Variants in DDX10 observed in about 807,000 individuals in gnomAD.
The protein encoded by DDX10 is probable ATP-dependent RNA helicase DDX10.
DDX10 carries 74 observed loss-of-function variants against 104.3 expected under a neutral mutation model. The observed-to-expected ratio is 0.71, with a 90% CI of 0.59 to 0.86. The LOEUF (loss-of-function observed/expected upper bound fraction) is 0.86, where lower values mean the gene tolerates loss of function less well. Ranked by LOEUF, DDX10 falls within the 40% of genes least tolerant of loss-of-function variation. The pLI is 0.00. For missense variants in DDX10, 952 were observed against 1,040.0 expected (o/e 0.92, Z 1.16); for synonymous variants, 351 against 353.4 (o/e 0.99, Z 0.08).
intron 13 of DDX10, among the ~76,000 whole-genome samples, chr11:108,733,622 G>A (rs1041128061): frequency 1.3e-5 from 2 of 152,074 alleles, no homozygotes; most frequent in South Asian, 2.1e-4. Context: ...AGGCCCCTCT[G>A]ACTTGCCTCG....
chr11:108,757,439 T>A (rs2094345822), intron 13 of DDX10, among the ~76,000 whole-genome samples: 1 of 152,080 alleles, frequency 6.6e-6, no homozygotes, highest in Admixed American at 6.6e-5. Flanking sequence ...TGTGCACATG[T>A]CACACTTCTA....
At chr11:108,699,088 T>C (rs925808356) in intron 9 of DDX10, among the ~76,000 whole-genome samples, 1 of 152,178 alleles carries the variant, frequency 6.6e-6, no homozygotes, top group African/African-American at 2.4e-5. Flanking sequence ...TTCACCTTGA[T>C]TGTAAGTTCC....
chr11:108,882,304 A>G (rs1863237760), intron 16 of DDX10, among the ~76,000 whole-genome samples: 1 of 152,170 alleles, frequency 6.6e-6, no homozygotes. Flanking sequence ...AAGCATTCAC[A>G]TTTTCTGTGC....
chr11:108,883,463 C>A (rs1863253919), intron 16 of DDX10, among the ~76,000 whole-genome samples: 1 of 152,014 alleles, frequency 6.6e-6, no homozygotes, highest in South Asian at 2.1e-4. Flanking sequence ...GGATTTTGTT[C>A]CAGGATTATA....
chr11:108,673,168 G>T (rs2094219226), intron 1 of DDX10, among the ~76,000 whole-genome samples: 1 of 152,164 alleles, frequency 6.6e-6, no homozygotes, highest in Non-Finnish European at 1.5e-5. Flanking sequence ...AATTGATGTG[G>T]TTGGTGATGC....
Position 108,693,500 on chromosome 11 carries a change from C to G in DDX10, c.1139-16C>G. Reference sequence around the variant, plus strand: ...TCTTGCAACCAGTTTCTTAACTTCACATCCCTTCTCTGTAGATTTCCCGGC... The same window carrying G: ...TCTTGCAACCAGTTTCTTAACTTCAGATCCCTTCTCTGTAGATTTCCCGGC... On this transcript the variant is annotated splice_polypyrimidine_tract_variant and intron_variant, in intron 8 of 17. Transcript: ENST00000322536. The G allele has an allele frequency of 6.2e-7, 1 of 1,605,730 alleles. No individual in the cohort carries two copies. Among genetic ancestry groups the G allele is most frequent in the Non-Finnish European group, 8.5e-7 (1 of 1,172,312 alleles).
intron 13 of DDX10, among the ~76,000 whole-genome samples, chr11:108,754,749 AC>A (rs2094342551): frequency 6.6e-6 from 1 of 152,006 alleles, no homozygotes; most frequent in African/African-American, 2.4e-5. Context: ...CTTGTTCATA[AC>A]TTTAGTTAGC....
intron 9 of DDX10, among the ~76,000 whole-genome samples, chr11:108,701,675 C>CTTTTTTTTTTTTTTTTTTTTTTTTTT (rs55916940): frequency 2.6e-5 from 2 of 77,422 alleles, no homozygotes; most frequent in African/African-American, 5.1e-5. Flanking sequence ...TTCTTCTTCT[C>CTTTTTTTTTTTTTTTTTTTTTTTTTT]TTTTTTTTTT....
At chr11:108,741,181 G>A (rs2094324777) in intron 13 of DDX10, among the ~76,000 whole-genome samples, 1 of 151,562 alleles carries the variant, frequency 6.6e-6, no homozygotes, top group South Asian at 2.1e-4. Flanking sequence ...TTTGGTACTA[G>A]TACCATGCTG....
intron 13 of DDX10, among the ~76,000 whole-genome samples, chr11:108,812,567 T>C (rs1341266747): frequency 6.6e-6 from 1 of 152,244 alleles, no homozygotes; most frequent in Non-Finnish European, 1.5e-5. Context: ...ACTTCTTAGA[T>C]ATTATTACTC....
intron 10 of DDX10, among the ~76,000 whole-genome samples, chr11:108,714,020 T>C (rs1241314335): frequency 6.6e-6 from 1 of 152,204 alleles, no homozygotes; most frequent in Non-Finnish European, 1.5e-5. Context: ...TTGACTTTCA[T>C]TAACAAGGCC....
intron 13 of DDX10, among the ~76,000 whole-genome samples, chr11:108,792,544 C>A (rs1443159822): frequency 1.3e-5 from 2 of 152,094 alleles, no homozygotes; most frequent in Non-Finnish European, 2.9e-5. Flanking sequence ...TATCTTGGTA[C>A]CTTTAGAAAT....
At chr11:108,774,383 T>C (rs546159777) in intron 13 of DDX10, among the ~76,000 whole-genome samples, 1 of 152,380 alleles carries the variant, frequency 6.6e-6, no homozygotes, top group African/African-American at 2.4e-5. Flanking sequence ...TAACATCTGT[T>C]TGCTGTTATC....
At chr11:108,692,115 C>T in intron 8 of DDX10, 77 bp downstream of exon 8, 1 of 1,325,214 alleles carries the variant, frequency 7.5e-7, no homozygotes, top group South Asian at 1.6e-5. Flanking sequence ...TTTGGGAAAT[C>T]TGATAGACTC....
intron 15 of DDX10, among the ~76,000 whole-genome samples, chr11:108,850,723 C>T (rs114069909): frequency 1.8e-4 from 28 of 152,178 alleles, no homozygotes; most frequent in East Asian, 5.8e-4. Flanking sequence ...ATACTATGTA[C>T]GAACCTACAA....
chr11:108,820,416 C>G (rs1255873818), intron 13 of DDX10, among the ~76,000 whole-genome samples: 3 of 152,176 alleles, frequency 2.0e-5, no homozygotes, highest in African/African-American at 7.2e-5. Flanking sequence ...CCCTCTTATT[C>G]CACATAGGAG....
chr11:108,749,343 T>G (rs536885250), intron 13 of DDX10, among the ~76,000 whole-genome samples: 51 of 152,294 alleles, frequency 3.3e-4, no homozygotes, highest in African/African-American at 1.1e-3. Context: ...TATACTGTTA[T>G]TGATGGAAAT....
Position 108,723,115 on chromosome 11 carries a change from C to T in DDX10, c.1618C>T (p.Leu540Phe), listed in dbSNP as rs200601477. 7 of 1,613,846 alleles carry T rather than the reference C, an allele frequency of 4.3e-6. No individual in the cohort carries two copies. The African/African-American group carries it at 9.3e-5, about 22-fold the overall frequency. ...DKVIEPRAPS[L>F]TNDEVEEFRA... ...AGTAATTGAGCCAAGGGCTCCCTCC[C>T]TCACCAATGACGAAGTGGAAGAATT... is the stretch of plus-strand genomic sequence containing the variant. The change falls in exon 13 of 18, where the codon CTC becomes TTC. Residue 540 changes from leucine (L) to phenylalanine (F), a missense_variant. Leu to Phe is a conservative substitution (Grantham distance 22). Around this residue, in one of 3 missense-constraint regions of DDX10, gnomAD observed 533 missense variants for 534.1 expected, o/e 1.00. Transcript: ENST00000322536.
chr11:108,698,697 C>G (rs1197696621), intron 9 of DDX10, among the ~76,000 whole-genome samples: 2 of 152,222 alleles, frequency 1.3e-5, no homozygotes, highest in African/African-American at 2.4e-5. Flanking sequence ...ACAGCAGGCA[C>G]AGTGTTCCTT....
Sources: allele counts gnomAD v4.1 joint callset (sites outside exome capture counted in the v4.1 genomes callset), GRCh38; gene constraint gnomAD v4.1.1; regional missense constraint gnomAD v4.1.1; transcripts MANE v1.5; gene names NCBI Gene and HGNC (gene_info 2026-07-23, HGNC 2026-07-21).